Variants in TIAM1 observed in about 807,000 individuals in gnomAD.
TIAM1 encodes the protein TIAM Rac1 associated GEF 1, also known as rho guanine nucleotide exchange factor TIAM1.
TIAM1 carries 65 observed loss-of-function variants against 163.5 expected under a neutral mutation model. That is an observed-to-expected ratio of 0.40 (90% CI 0.33 to 0.49). The LOEUF is 0.49. Among genes scored for constraint, TIAM1 ranks in the 20% least tolerant of loss-of-function variants. TIAM1 has a pLI of 0.77. For missense variants in TIAM1, 1,789 were observed against 2,044.7 expected, an observed-to-expected ratio of 0.87 and a Z score of 2.41; for synonymous variants, 833 against 810.1, an observed-to-expected ratio of 1.03 and a Z score of -0.48.
In TIAM1 at chr21:31,301,132, T is replaced by G. The variant is rs539471756; in HGVS notation, c.-188-24224A>C. ...CCATACACAACAGCTATTATGAATA[T>G]TCCCAGTGCTTAGGACAGGGGCGAG... On this transcript the variant is annotated intron_variant, in intron 2 of 27. Transcript: ENST00000541036. 1.5e-3 allele frequency among the ~76,000 whole-genome samples: 228 copies of G among 152,280 alleles called. 1 individual carries two copies. Among genetic ancestry groups the G allele is most frequent in the African/African-American group, 5.3e-3 (220 of 41,576 alleles).
At chr21:31,511,126 G>A (rs570535242) in intron 1 of TIAM1, among the ~76,000 whole-genome samples, 3 of 152,260 alleles carry the variant, frequency 2.0e-5, no homozygotes, top group South Asian at 4.1e-4. Flanking sequence ...CCAATGCCGC[G>A]GGCACCCTGA....
chr21:31,525,905 G>A (rs1262089364), intron 1 of TIAM1, among the ~76,000 whole-genome samples: 1 of 151,746 alleles, frequency 6.6e-6, no homozygotes, highest in Non-Finnish European at 1.5e-5. Flanking sequence ...TTGGTGGCGG[G>A]CGCCTGTAGT....
At chr21:31,389,885 C>T (rs1460623010) in intron 2 of TIAM1, among the ~76,000 whole-genome samples, 1 of 152,184 alleles carries the variant, frequency 6.6e-6, no homozygotes. Context: ...GTTTTGGGCT[C>T]TTCATTCTGC....
intron 2 of TIAM1, among the ~76,000 whole-genome samples, chr21:31,310,192 G>C (rs962673868): frequency 2.0e-5 from 3 of 152,198 alleles, no homozygotes; most frequent in African/African-American, 7.2e-5. Context: ...AGGAATGATG[G>C]CCACTTCCAG....
intron 2 of TIAM1, among the ~76,000 whole-genome samples, chr21:31,295,469 CAAA>C (rs1215751004): frequency 4.5e-5 from 3 of 66,000 alleles, no homozygotes; most frequent in Non-Finnish European, 3.0e-5. Context: ...GACTCCATCA[CAAA>C]AAAAAAAAAA....
At chr21:31,504,077 G>C (rs2046951411) in intron 1 of TIAM1, among the ~76,000 whole-genome samples, 3 of 152,088 alleles carry the variant, frequency 2.0e-5, no homozygotes, top group Non-Finnish European at 4.4e-5. Flanking sequence ...CAGTGAACAA[G>C]AGCCTGAATC....
intron 2 of TIAM1, among the ~76,000 whole-genome samples, chr21:31,338,492 C>T (rs941304630): frequency 6.6e-6 from 1 of 152,148 alleles, no homozygotes; most frequent in South Asian, 2.1e-4. Context: ...AGCTAGAAAG[C>T]CCCTTTTGGT....
intron 2 of TIAM1, among the ~76,000 whole-genome samples, chr21:31,360,699 C>A (rs2076393263): frequency 6.6e-6 from 1 of 152,108 alleles, no homozygotes; most frequent in African/African-American, 2.4e-5. Context: ...CACAACTGTA[C>A]AAATCAATAA....
chr21:31,177,524 T>C (rs2084816465), intron 15 of TIAM1, among the ~76,000 whole-genome samples: 1 of 152,150 alleles, frequency 6.6e-6, no homozygotes, highest in African/African-American at 2.4e-5. Context: ...GGAGAATCAC[T>C]TGAACCTGGG....
At chr21:31,210,580 A>AAGAGAAAGAAGGAAGGAAGGG (rs2086690733) in intron 10 of TIAM1, among the ~76,000 whole-genome samples, 3 of 122,284 alleles carry the variant, frequency 2.5e-5, no homozygotes, top group Admixed American at 9.0e-5. Context: ...GAAAGAAAGA[A>AAGAGAAAGAAGGAAGGAAGGG]AGAAAGAAAG....
At chr21:31,423,422 T>TA (rs1235200572) in intron 2 of TIAM1, among the ~76,000 whole-genome samples, 7 of 151,924 alleles carry the variant, frequency 4.6e-5, no homozygotes, top group Admixed American at 1.3e-4. Context: ...AGATGTGAAA[T>TA]AAAAGTCAAG....
chr21:31,368,428 C>T (rs73195545), intron 2 of TIAM1, among the ~76,000 whole-genome samples: 12,045 of 152,194 alleles, frequency 0.079, 642 homozygotes, highest in Non-Finnish European at 0.11. Context: ...CTGAGCCACA[C>T]GCATAACATT....
intron 8 of TIAM1, 58 bp downstream of exon 8, chr21:31,223,348 T>C (rs1471892297): frequency 3.3e-6 from 5 of 1,516,796 alleles, no homozygotes; most frequent in East Asian, 2.3e-5. Context: ...TGTCAAGTCC[T>C]GCTCAGGATT....
chr21:31,257,717 C>T (rs759477269), intron 4 of TIAM1, among the ~76,000 whole-genome samples: 2 of 152,146 alleles, frequency 1.3e-5, no homozygotes, highest in Non-Finnish European at 2.9e-5. Context: ...CGGTGTCCCG[C>T]GTTAAAACTT....
chr21:31,460,071 G>T (rs2833411), intron 2 of TIAM1, among the ~76,000 whole-genome samples: 36,297 of 152,114 alleles, frequency 0.24, 4,437 homozygotes, highest in South Asian at 0.28. Context: ...CTCCTCTGCA[G>T]GTTTTAAACA....
intron 2 of TIAM1, among the ~76,000 whole-genome samples, chr21:31,298,936 T>C (rs2074399633): frequency 6.6e-6 from 1 of 151,906 alleles, no homozygotes; most frequent in African/African-American, 2.4e-5. Context: ...AAGAAGCAAA[T>C]ATATCACTCC....
At chr21:31,396,204 C>T (rs572440294) in intron 2 of TIAM1, among the ~76,000 whole-genome samples, 25 of 152,328 alleles carry the variant, frequency 1.6e-4, no homozygotes, top group African/African-American at 4.3e-4. Context: ...CAACTTATGC[C>T]GATTCCTACT....
chr21:31,207,046 G>A (rs971312059), intron 11 of TIAM1, among the ~76,000 whole-genome samples: 1 of 152,088 alleles, frequency 6.6e-6, no homozygotes, highest in Non-Finnish European at 1.5e-5. Context: ...CATATCCAAA[G>A]CCACAGAATG....
At chr21:31,207,220 T>C (rs971724548) in intron 11 of TIAM1, among the ~76,000 whole-genome samples, 1 of 152,188 alleles carries the variant, frequency 6.6e-6, no homozygotes, top group African/African-American at 2.4e-5. Flanking sequence ...TTAGCAACAA[T>C]CATTCCAGTA....
Sources: gnomAD v4.1 joint callset for allele counts (sites outside exome capture counted in the v4.1 genomes callset) on GRCh38, gnomAD v4.1.1 for gene constraint, MANE v1.5 for transcripts, NCBI Gene and HGNC (gene_info 2026-07-23, HGNC 2026-07-21) for gene names.